Variants in SHD observed in about 807,000 individuals in gnomAD.
SHD encodes SH2 domain-containing adapter protein D.
A neutral mutation model predicts 31.2 loss-of-function variants in SHD; 29 were observed. The ratio of observed to expected loss-of-function variants is 0.93; its 90% CI spans 0.69 to 1.27. The LOEUF is 1.27. Among genes scored for constraint, SHD ranks in the 50% most tolerant of loss-of-function variants. The pLI is 0.00. For missense variants in SHD, 520 were observed against 453.8 expected (o/e 1.15, Z -1.33); for synonymous variants, 208 against 187.8 (o/e 1.11, Z -0.88).
intron 1 of SHD, among the ~76,000 whole-genome samples, chr19:4,282,354 A>T (rs1043887703): frequency 6.6e-6 from 1 of 151,798 alleles, no homozygotes; most frequent in Non-Finnish European, 1.5e-5. Flanking sequence ...CGGGAGTCGG[A>T]GGTTGCAGTG....
intron 5 of SHD, 45 bp from the exon 6 acceptor site, chr19:4,290,402 G>A (rs1971364834): frequency 6.4e-7 from 1 of 1,561,658 alleles, no homozygotes; most frequent in African/African-American, 1.4e-5. Context: ...GCCTTTCTGG[G>A]TGGGTCCGGG....
Position 4,290,615 on chromosome 19 carries a change from G to A in SHD, c.1005G>A (p.Val335=). 1 of 1,609,910 alleles carries A rather than the reference G, an allele frequency of 6.2e-7. No homozygotes were observed. The highest frequency in any genetic ancestry group is 1.1e-5 in the South Asian group (1 of 90,706). ...AGCATCTGGCTCTGCTGTACCCCGT[G>A]GTCACGCAGACCCCCTGACAGTGAC... ...GAEHLALLYP[V]VTQTP Residue 335 remains valine (V), a synonymous_variant, in exon 6 of 6, where the codon GTG becomes GTA. Transcript: ENST00000543264.
intron 3 of SHD, among the ~76,000 whole-genome samples, chr19:4,283,617 C>T (rs1462579353): frequency 2.0e-5 from 3 of 151,706 alleles, no homozygotes; most frequent in East Asian, 3.9e-4. Context: ...CTCACTCTGT[C>T]GCCCAGGCTG....
intron 1 of SHD, among the ~76,000 whole-genome samples, chr19:4,280,897 G>T (rs541919276): frequency 6.6e-6 from 1 of 151,660 alleles, no homozygotes; most frequent in African/African-American, 2.4e-5. Context: ...CTTGGTCTCC[G>T]GGTCCTCCTC....
chr19:4,284,543 A>G (rs1599513111), intron 3 of SHD: 1 of 355,972 alleles, frequency 2.8e-6, no homozygotes, highest in South Asian at 1.0e-4. Context: ...GACCCCGTCT[A>G]GCCACGCCCC....
chr19:4,282,553 A>G (rs1254078841), intron 1 of SHD, among the ~76,000 whole-genome samples: 2 of 151,878 alleles, frequency 1.3e-5, no homozygotes, highest in African/African-American at 4.8e-5. Flanking sequence ...GTGAAACCCC[A>G]TCTCTACAAA....
chr19:4,283,015 G>A, intron 2 of SHD, 39 bp from the exon 3 acceptor site: 4 of 1,614,122 alleles, frequency 2.5e-6, no homozygotes, highest in Non-Finnish European at 3.4e-6. Context: ...CAGGGTCCCA[G>A]ATGGGAGCAG....
intron 5 of SHD, among the ~76,000 whole-genome samples, chr19:4,289,549 T>TATG (rs1290847720): frequency 6.7e-6 from 1 of 149,764 alleles, no homozygotes; most frequent in African/African-American, 2.5e-5. Flanking sequence ...CCTGGCCTCT[T>TATG]ATTATTATTA....
At position 4,279,431 on chromosome 19, in the gene SHD, C is replaced by G. The variant is rs748851384; in HGVS notation, c.-633C>G. Reference sequence around the variant, plus strand: ...TTCCCTTTGTGCGGGTGGCTGGGGCCGGATCGAGGCGGCGGGGGCCGCGGG... The same window carrying G: ...TTCCCTTTGTGCGGGTGGCTGGGGCGGGATCGAGGCGGCGGGGGCCGCGGG... On this transcript the variant is annotated 5_prime_UTR_variant, in exon 1 of 6. Transcript: ENST00000543264. This position sits in a 1 kb window ranked among gnomAD's most constrained non-coding sequence, Gnocchi z 7.5. 6.6e-6 allele frequency: 1 copy of G among 151,564 alleles called. No individual in the cohort carries two copies. Among genetic ancestry groups the G allele is most frequent in the Non-Finnish European group, 1.5e-5 (1 of 67,938 alleles). 9.4% of individuals were successfully genotyped at this position (151,564 alleles called of 1,614,324 possible).
chr19:4,283,207 A>G lies in SHD; in HGVS notation c.557A>G (p.Glu186Gly). The G allele has an allele frequency of 6.2e-7, 1 of 1,613,996 alleles. No individual in the cohort carries two copies. ...RPADEYDQPW[E>G]WKKDHISRAF... is the part of the protein sequence containing the mutation. ...GCAGATGAGTATGATCAGCCCTGGG[A>G]GTGGAAGAAAGACCACATCTCCAGG... Residue 186 changes from glutamate (E) to glycine (G), a missense_variant, in exon 3 of 6, where the codon GAG becomes GGG. Transcript: ENST00000543264.
At position 4,280,330 on chromosome 19, in the gene SHD, C is replaced by G. The variant is rs1219231650; in HGVS notation, c.267C>G (p.Ala89=). Residue 89 remains alanine (A), a synonymous_variant, in exon 1 of 6, where the codon GCC becomes GCG. Transcript: ENST00000543264. ...IKVEAADMAR[A]KALLGGPGEE... ...TGGAGGCTGCGGATATGGCCAGAGC[C>G]AAGGCCCTTCTGGGCGGCCCCGGGG... The G allele has an allele frequency of 1.9e-6, 3 of 1,591,476 alleles. No individual in the cohort carries two copies. The highest frequency in any genetic ancestry group is 2.6e-6 in the Non-Finnish European group (3 of 1,169,172).
At chr19:4,284,728 G>A (rs930673489) in intron 3 of SHD, 53 bp from the exon 4 acceptor site, 4 of 1,407,596 alleles carry the variant, frequency 2.8e-6, no homozygotes, top group Non-Finnish European at 1.9e-6. Flanking sequence ...CCCCTGCCCC[G>A]CCCCCCAAGG....
chr19:4,285,889 C>CTT (rs56142317), intron 4 of SHD, among the ~76,000 whole-genome samples: 5,726 of 87,076 alleles, frequency 0.066, 504 homozygotes, highest in East Asian at 0.16. Context: ...CTTTTCCTTT[C>CTT]TTTTTTTTTT....
chr19:4,288,166 A>G, intron 4 of SHD, 77 bp from the exon 5 acceptor site: 1 of 1,492,036 alleles, frequency 6.7e-7, no homozygotes, highest in Middle Eastern at 1.9e-4. Flanking sequence ...CAGCCTCCCA[A>G]AGTGCTGGGA....
rs576752652 is a variant in SHD at position 4,287,717 on chromosome 19, G to A, written c.717-526G>A. On this transcript the variant is annotated intron_variant, in intron 4 of 5. Coordinates refer to ENST00000543264, the MANE Select transcript of SHD (RefSeq NM_020209.4). ...GGAGAATCGCTTGAACCCAGGAGGC[G>A]GAGGTTGTGGTGAGCCAAGATTGCA... Among the ~76,000 whole-genome samples the A allele has an allele frequency of 1.2e-4, 18 of 151,850 alleles. No homozygotes were observed. The South Asian group carries it at 2.7e-3, about 23-fold the overall frequency.
In SHD at chr19:4,280,153, C is replaced by T; in HGVS notation, c.90C>T (p.Ile30=). 6.2e-7 allele frequency: 1 copy of T among 1,613,950 alleles called. No homozygotes were observed. The highest frequency in any genetic ancestry group is 8.5e-7 in the Non-Finnish European group (1 of 1,179,992). ...CCCCGGACTACACCGAGAGCGACAT[C>T]CTGAGGGCCTACCGCGCGCAGAAGA... is the stretch of plus-strand genomic sequence containing the variant. ...PPTPDYTESD[I]LRAYRAQKNL... is the part of the protein sequence containing the mutation. Residue 30 remains isoleucine (I), a synonymous_variant, in exon 1 of 6, where the codon ATC becomes ATT. Coordinates refer to ENST00000543264, the MANE Select transcript of SHD (RefSeq NM_020209.4).
intron 3 of SHD, among the ~76,000 whole-genome samples, chr19:4,283,856 G>A (rs187605707): frequency 0.089 from 13,484 of 151,216 alleles, 1,401 homozygotes; most frequent in African/African-American, 0.24. Context: ...GGGATTACAG[G>A]CAGGAGCCAC....
chr19:4,288,480 G>T, intron 5 of SHD, 118 bp downstream of exon 5: 1 of 1,238,332 alleles, frequency 8.1e-7, no homozygotes. Flanking sequence ...GGGCTTCCAG[G>T]TCAGTGGGTG....
At chr19:4,283,369 C>A in intron 3 of SHD, 127 bp downstream of exon 3, 1 of 997,474 alleles carries the variant, frequency 1.0e-6, no homozygotes. Context: ...TTTGTTAATT[C>A]TCACTAGAGT....
Sources: gnomAD v4.1 joint callset for allele counts (sites outside exome capture counted in the v4.1 genomes callset) on GRCh38, gnomAD v4.1.1 for gene constraint, Gnocchi (gnomAD v3.1) non-coding constraint, MANE v1.5 for transcripts, NCBI Gene and HGNC (gene_info 2026-07-23, HGNC 2026-07-21) for gene names.